The following CFAP20DC variants were observed in gnomAD, a reference collection of about 807,000 sequenced individuals.
CFAP20DC encodes the protein CFAP20 domain containing.
Under a neutral mutation model 101.7 loss-of-function variants are expected in CFAP20DC, and 84 were observed. The observed-to-expected ratio is 0.83, with a 90% confidence interval of 0.69 to 0.99. The LOEUF is 0.99. Ranked by LOEUF, CFAP20DC falls within the 50% of genes least tolerant of loss-of-function variation. The probability of loss-of-function intolerance (pLI) is 0.00; values close to 1 mark genes in which losing one functional copy is unlikely to be tolerated. For missense variants in CFAP20DC, 1,007 were observed against 970.3 expected (o/e 1.04, Z -0.50); for synonymous variants, 359 against 351.2 (o/e 1.02, Z -0.25).
chr3:58,810,144 T>C (rs1383673417), intron 14 of CFAP20DC, among the ~76,000 whole-genome samples: 1 of 152,134 alleles, frequency 6.6e-6, no homozygotes, highest in Non-Finnish European at 1.5e-5. Context: ...ACTGGTACCA[T>C]TCCTTCTGAA....
At chr3:58,821,511 A>T (rs1283171751) in intron 14 of CFAP20DC, among the ~76,000 whole-genome samples, 1 of 151,944 alleles carries the variant, frequency 6.6e-6, no homozygotes, top group Non-Finnish European at 1.5e-5. Flanking sequence ...TCTCAAAAGA[A>T]GACATTTATG....
intron 4 of CFAP20DC, among the ~76,000 whole-genome samples, chr3:58,943,110 G>A (rs2088856890): frequency 6.6e-6 from 1 of 152,210 alleles, no homozygotes; most frequent in Non-Finnish European, 1.5e-5. Context: ...ATCTCTTTGG[G>A]ACAGAGCACC....
intron 4 of CFAP20DC, among the ~76,000 whole-genome samples, chr3:59,032,396 T>C (rs2094012073): frequency 6.6e-6 from 1 of 151,938 alleles, no homozygotes; most frequent in African/African-American, 2.4e-5. Flanking sequence ...AGCCAAGTGG[T>C]CTAGCTCAGC....
intron 13 of CFAP20DC, 35 bp from the exon 14 acceptor site, chr3:58,831,924 T>G: frequency 6.3e-7 from 1 of 1,585,768 alleles, no homozygotes; most frequent in Non-Finnish European, 8.7e-7. Flanking sequence ...AAAGGGTCAT[T>G]TGGCCTAATT....
intron 4 of CFAP20DC, among the ~76,000 whole-genome samples, chr3:58,975,761 T>C (rs148889709): frequency 6.6e-6 from 1 of 152,340 alleles, no homozygotes; most frequent in African/African-American, 2.4e-5. Context: ...TGTGATACTG[T>C]TGGTACTAAC....
At chr3:58,983,133 T>A (rs1008184929) in intron 4 of CFAP20DC, among the ~76,000 whole-genome samples, 3 of 152,194 alleles carry the variant, frequency 2.0e-5, no homozygotes, top group African/African-American at 7.2e-5. Flanking sequence ...CTCAAAATGA[T>A]AAATCATTAC....
chr3:58,884,569 G>A lies in CFAP20DC; in HGVS notation c.691C>T (p.His231Tyr). 11 of 1,613,932 alleles carry A rather than the reference G, an allele frequency of 6.8e-6. No homozygotes were observed. The highest frequency in any genetic ancestry group is 9.3e-6 in the Non-Finnish European group (11 of 1,179,866). ...CCTGATTCTGCTGATCTTAGAGGAT[G>A]GCCTCCGAATTTTATTTCAGTTTGG... ...LRQTEIKFGGHPLRSAESDQF... is the reference protein window; with the variant it reads ...LRQTEIKFGGYPLRSAESDQF... Residue 231 changes from histidine (H) to tyrosine (Y), a missense_variant, in exon 7 of 17, where the codon CAT (histidine) becomes TAT (tyrosine). Coordinates refer to ENST00000482387, the MANE Select transcript of CFAP20DC (RefSeq NM_001394063.1).
intron 12 of CFAP20DC, among the ~76,000 whole-genome samples, chr3:58,853,081 C>T (rs1410055138): frequency 5.3e-5 from 8 of 151,928 alleles, no homozygotes; most frequent in East Asian, 1.9e-4. Flanking sequence ...ATTGATAGAC[C>T]GCTAGCAAGA....
At chr3:58,942,314 C>T (rs924953651) in intron 4 of CFAP20DC, among the ~76,000 whole-genome samples, 2 of 152,198 alleles carry the variant, frequency 1.3e-5, no homozygotes, top group African/African-American at 4.8e-5. Context: ...TTTCGGTCTG[C>T]AGTTCCCAGT....
intron 4 of CFAP20DC, among the ~76,000 whole-genome samples, chr3:58,941,924 A>G (rs2088659931): frequency 6.6e-6 from 1 of 152,320 alleles, no homozygotes; most frequent in East Asian, 1.9e-4. Context: ...AGAAATCATT[A>G]CAATATATAC....
intron 14 of CFAP20DC, among the ~76,000 whole-genome samples, chr3:58,821,366 A>C (rs1010235911): frequency 1.6e-4 from 25 of 152,146 alleles, no homozygotes; most frequent in Non-Finnish European, 3.5e-4. Context: ...CAACCTACAA[A>C]ATGGGAGAAA....
At chr3:58,997,000 A>G (rs2093157188) in intron 4 of CFAP20DC, among the ~76,000 whole-genome samples, 3 of 152,304 alleles carry the variant, frequency 2.0e-5, no homozygotes, top group Admixed American at 2.0e-4. Context: ...GAAGCACTCC[A>G]GGAGGGACTC....
chr3:59,032,284 A>T (rs1191913148), intron 4 of CFAP20DC, among the ~76,000 whole-genome samples: 1 of 152,154 alleles, frequency 6.6e-6, no homozygotes, highest in Non-Finnish European at 1.5e-5. Context: ...TTGGGCAAAC[A>T]CCGAGATAGC....
At position 58,835,690 on chromosome 3, in the gene CFAP20DC, T is replaced by A. The variant is rs113834526; in HGVS notation, c.1972-3801A>T. 4.6e-5 allele frequency among the ~76,000 whole-genome samples: 7 copies of A among 152,320 alleles called. 1 individual carries two copies. The highest frequency in any genetic ancestry group is 1.7e-4 in the African/African-American group (7 of 41,578). Reference sequence around the variant, plus strand: ...AAGCAACTTTCTCCAGCATCACTAATAGAGCAACTGGTGATGGAGTCAGGT... The same window carrying A: ...AAGCAACTTTCTCCAGCATCACTAAAAGAGCAACTGGTGATGGAGTCAGGT... On this transcript the variant is annotated intron_variant, in intron 13 of 16. Coordinates refer to ENST00000482387, the MANE Select transcript of CFAP20DC (RefSeq NM_001394063.1).
chr3:58,761,224 G>A (rs886478922), intron 15 of CFAP20DC, among the ~76,000 whole-genome samples: 2 of 152,160 alleles, frequency 1.3e-5, no homozygotes, highest in Non-Finnish European at 2.9e-5. Context: ...CCTGTCATTG[G>A]TCTATTCAGA....
intron 15 of CFAP20DC, among the ~76,000 whole-genome samples, chr3:58,771,408 A>G (rs991102007): frequency 6.6e-6 from 1 of 151,984 alleles, no homozygotes; most frequent in African/African-American, 2.4e-5. Context: ...ATAAAAAACA[A>G]AAAAAAACAA....
intron 16 of CFAP20DC, among the ~76,000 whole-genome samples, chr3:58,752,909 C>G (rs1417116321): frequency 1.3e-5 from 2 of 152,064 alleles, no homozygotes; most frequent in Admixed American, 6.6e-5. Flanking sequence ...TTTTTTAAAG[C>G]TTCAGATATA....
At chr3:58,940,920 T>C (rs2088464496) in intron 4 of CFAP20DC, among the ~76,000 whole-genome samples, 1 of 152,250 alleles carries the variant, frequency 6.6e-6, no homozygotes, top group Admixed American at 6.5e-5. Flanking sequence ...ATTTAGGCTT[T>C]GCTTAATTTC....
chr3:58,913,474 TA>T lies in CFAP20DC; in HGVS notation c.550+233del. On this transcript the variant is annotated intron_variant, in intron 6 of 16. Coordinates refer to ENST00000482387, the MANE Select transcript of CFAP20DC (RefSeq NM_001394063.1). The surrounding 1 kb of genome is among the most constrained non-coding windows in gnomAD (Gnocchi z 4.4). ...CTAAGACAGATAGCAAGTGTTACCA[TA>T]AAGAAAAAAGAAAACAACCACAAAA... is the stretch of plus-strand genomic sequence containing the variant. 1.7e-6 allele frequency: 1 copy of T among 603,792 alleles called. No individual in the cohort carries two copies. Among genetic ancestry groups the T allele is most frequent in the East Asian group, 2.7e-5 (1 of 36,456 alleles). 37.4% of individuals were successfully genotyped at this position (603,792 alleles called of 1,614,324 possible).
Sources: gnomAD v4.1 joint callset for allele counts (sites outside exome capture counted in the v4.1 genomes callset) on GRCh38, gnomAD v4.1.1 for gene constraint, Gnocchi (gnomAD v3.1) non-coding constraint, MANE v1.5 for transcripts, NCBI Gene and HGNC (gene_info 2026-07-23, HGNC 2026-07-21) for gene names.